The following NRXN1 variants were observed in gnomAD, a reference collection of about 807,000 sequenced individuals.
The protein encoded by NRXN1 is neurexin 1.
In NRXN1, 39 loss-of-function variants were observed where a neutral mutation model predicts 150.9. The observed-to-expected ratio is 0.26, with a 90% confidence interval of 0.20 to 0.34. The LOEUF is 0.34. Among genes scored for constraint, NRXN1 ranks in the 10% least tolerant of loss-of-function variants. The probability of loss-of-function intolerance (pLI) is 1.00; values close to 1 mark genes in which losing one functional copy is unlikely to be tolerated. For synonymous variants in NRXN1, 924 were observed against 757.0 expected (o/e 1.22, Z -3.62); for missense variants, 1,815 against 1,949.9 (o/e 0.93, Z 1.30).
intron 21 of NRXN1, among the ~76,000 whole-genome samples, chr2:49,987,617 T>G (rs1246355694): frequency 6.6e-6 from 1 of 152,150 alleles, no homozygotes; most frequent in African/African-American, 2.4e-5. Flanking sequence ...CTATAGTGTC[T>G]TATGGTCCCT....
intron 5 of NRXN1, chr2:50,829,524 G>T: frequency 6.2e-7 from 1 of 1,608,228 alleles, no homozygotes; most frequent in Non-Finnish European, 8.5e-7. Context: ...AGTGGCAAGT[G>T]CGATGGCCTT....
At chr2:50,964,279 G>A (rs1693694212) in intron 2 of NRXN1, among the ~76,000 whole-genome samples, 1 of 151,410 alleles carries the variant, frequency 6.6e-6, no homozygotes, top group Non-Finnish European at 1.5e-5. Context: ...TCTTGGCAAT[G>A]GGAAAACTAT....
In NRXN1 at chr2:50,376,042, T is replaced by TAC. The variant is rs1221953740; in HGVS notation, c.3364+89399_3364+89400insGT. On this transcript the variant is annotated intron_variant, in intron 17 of 22. Coordinates refer to ENST00000401669, the MANE Select transcript of NRXN1 (RefSeq NM_001330078.2). ...GAACTCCTGCACATAAATACATATA[T>TAC]ATATACACACACACACACACACACA... 7.5e-3 allele frequency among the ~76,000 whole-genome samples: 1,071 copies of TAC among 143,490 alleles called. 13 individuals carry two copies. The highest frequency in any genetic ancestry group is 0.029 in the African/African-American group (1,041 of 35,696). The allele number at this position is 143,490 out of a possible 152,430, so 94.1% of individuals were successfully genotyped here. A position where few individuals can be genotyped will look rare whatever the true frequency, so the allele number is the denominator to read the frequency against.
intron 5 of NRXN1, chr2:50,829,453 T>A: frequency 6.5e-7 from 1 of 1,543,302 alleles, no homozygotes; most frequent in East Asian, 2.2e-5. Flanking sequence ...CCTTTGCTGA[T>A]GTAGCCTGAC....
chr2:49,951,898 A>G (rs1189109180), intron 21 of NRXN1, among the ~76,000 whole-genome samples: 1 of 151,990 alleles, frequency 6.6e-6, no homozygotes, highest in African/African-American at 2.4e-5. Flanking sequence ...CAAAATGCCT[A>G]TGATGGATAA....
intron 17 of NRXN1, among the ~76,000 whole-genome samples, chr2:50,422,272 T>A (rs1434955187): frequency 6.6e-6 from 1 of 152,138 alleles, no homozygotes; most frequent in Non-Finnish European, 1.5e-5. Flanking sequence ...TCAACATAAT[T>A]TCCTCTAAAA....
intron 18 of NRXN1, among the ~76,000 whole-genome samples, chr2:50,120,187 G>T (rs978936693): frequency 2.6e-5 from 4 of 151,942 alleles, no homozygotes; most frequent in Non-Finnish European, 5.9e-5. Context: ...TGCTTTCAAA[G>T]AAAACATATA....
intron 19 of NRXN1, among the ~76,000 whole-genome samples, chr2:50,080,134 G>A (rs2152682937): frequency 6.6e-6 from 1 of 152,148 alleles, no homozygotes; most frequent in Middle Eastern, 3.4e-3. Context: ...TCACTTATAA[G>A]TAGCCACCTG....
chr2:50,553,400 A>T (rs879548251), intron 8 of NRXN1, among the ~76,000 whole-genome samples: 15 of 152,232 alleles, frequency 9.9e-5, no homozygotes, highest in Non-Finnish European at 7.3e-5. Flanking sequence ...TGATATTTTT[A>T]AAATTAAATA....
At chr2:50,601,011 T>C (rs892607928) in intron 8 of NRXN1, among the ~76,000 whole-genome samples, 8 of 152,144 alleles carry the variant, frequency 5.3e-5, no homozygotes, top group African/African-American at 1.9e-4. Flanking sequence ...GGTTATTATT[T>C]TATTAAGTTG....
intron 2 of NRXN1, among the ~76,000 whole-genome samples, chr2:50,983,917 T>C (rs573878234): frequency 4.6e-5 from 7 of 152,030 alleles, no homozygotes; most frequent in African/African-American, 1.2e-4. Context: ...AAATATTTGC[T>C]GGCAAAAAGC....
chr2:50,578,529 C>G, intron 8 of NRXN1, among the ~76,000 whole-genome samples: 1 of 152,086 alleles, frequency 6.6e-6, no homozygotes, highest in South Asian at 2.1e-4. Context: ...AGTACAATAT[C>G]ACAACCAGGG....
intron 8 of NRXN1, among the ~76,000 whole-genome samples, chr2:50,605,042 T>C (rs1676868859): frequency 6.6e-6 from 1 of 152,208 alleles, no homozygotes; most frequent in Non-Finnish European, 1.5e-5. Flanking sequence ...GAAACCCCAG[T>C]TGATCAAATA....
At chr2:50,092,821 G>A (rs1199083003) in intron 18 of NRXN1, among the ~76,000 whole-genome samples, 2 of 152,010 alleles carry the variant, frequency 1.3e-5, no homozygotes, top group Non-Finnish European at 2.9e-5. Context: ...GGTTCTTATT[G>A]TACATAAAGA....
At chr2:49,987,560 A>G (rs986852439) in intron 21 of NRXN1, among the ~76,000 whole-genome samples, 2 of 152,156 alleles carry the variant, frequency 1.3e-5, no homozygotes, top group Non-Finnish European at 2.9e-5. Flanking sequence ...ACCACAGTGT[A>G]CCTCAACATG....
intron 5 of NRXN1, among the ~76,000 whole-genome samples, chr2:50,754,681 T>C (rs1700978916): frequency 6.6e-6 from 1 of 151,702 alleles, no homozygotes. Flanking sequence ...CTTCCAGCTT[T>C]CCAAAAACTG....
chr2:50,339,642 T>C (rs1392709301), intron 17 of NRXN1, among the ~76,000 whole-genome samples: 2 of 152,222 alleles, frequency 1.3e-5, no homozygotes, highest in South Asian at 2.1e-4. Flanking sequence ...CATCATCTTC[T>C]AGTGTTAAAG....
rs1215593297 is a variant in NRXN1, at chr2:50,506,635, C to T, written c.2375-18G>A. On this transcript the variant is annotated intron_variant, in intron 12 of 22. Coordinates refer to ENST00000401669, the MANE Select transcript of NRXN1 (RefSeq NM_001330078.2). ...ACCTTTGCCTGTAGAATATGCCAAACAGTCATTATGGACACTCAGAATCAG... is the reference window on the plus strand; with the variant it reads ...ACCTTTGCCTGTAGAATATGCCAAATAGTCATTATGGACACTCAGAATCAG... 1 of 1,611,598 alleles carries T rather than the reference C, an allele frequency of 6.2e-7. No individual in the cohort carries two copies. The highest frequency in any genetic ancestry group is 8.5e-7 in the Non-Finnish European group (1 of 1,178,614).
intron 17 of NRXN1, among the ~76,000 whole-genome samples, chr2:50,240,505 A>T (rs1473228306): frequency 6.6e-6 from 1 of 151,688 alleles, no homozygotes; most frequent in Non-Finnish European, 1.5e-5. Context: ...TGAGCTAGAA[A>T]ATTACTCTCA....
Sources: allele counts gnomAD v4.1 joint callset (sites outside exome capture counted in the v4.1 genomes callset), GRCh38; gene constraint gnomAD v4.1.1; transcripts MANE v1.5; gene names NCBI Gene and HGNC (gene_info 2026-07-23, HGNC 2026-07-21).